SVIL: variants seen among roughly 807,000 people sequenced by gnomAD.
SVIL encodes archvillin.
A neutral mutation model predicts 240.4 loss-of-function variants in SVIL; 101 were observed. The ratio of observed to expected loss-of-function variants is 0.42; its 90% CI spans 0.36 to 0.50. The LOEUF (loss-of-function observed/expected upper bound fraction) is 0.50, where lower values mean the gene tolerates loss of function less well. SVIL is among the 20% of genes least tolerant of loss of function. SVIL has a pLI of 0.01. For missense variants in SVIL, 2,512 were observed against 2,818.7 expected (o/e 0.89, Z 2.46); for synonymous variants, 999 against 1,100.0 (o/e 0.91, Z 1.82).
In SVIL at chr10:29,474,021, A is replaced by C. The variant is rs748917867; in HGVS notation, c.5378-32T>G. On this transcript the variant is annotated intron_variant, in intron 29 of 37. Transcript: ENST00000355867. ...ACACAGAATGGCAGAGGGACAGGTC[A>C]GCAGCTGAGACACCCGAGGAGAAGC... is the stretch of plus-strand genomic sequence containing the variant. 8.1e-6 allele frequency: 13 copies of C among 1,605,650 alleles called. No individual in the cohort carries two copies. The Middle Eastern group carries it at 1.2e-3, about 144-fold the overall frequency.
intron 1 of SVIL, among the ~76,000 whole-genome samples, chr10:29,691,369 G>A (rs1212414017): frequency 2.6e-5 from 4 of 151,762 alleles, no homozygotes; most frequent in Admixed American, 6.6e-5. Flanking sequence ...CCACCACCAC[G>A]CCCGGCTAAT....
intron 23 of SVIL, chr10:29,487,664 A>G (rs2132384493): frequency 5.9e-6 from 1 of 169,220 alleles, no homozygotes. Flanking sequence ...ACCCAATTAC[A>G]TCTGTGGCCC....
At chr10:29,531,487 GC>G (rs1171198468) in intron 9 of SVIL, among the ~76,000 whole-genome samples, 199 bp from the exon 10 acceptor site, 4 of 152,216 alleles carry the variant, frequency 2.6e-5, no homozygotes, top group Non-Finnish European at 5.9e-5. Context: ...CACAATCCCA[GC>G]CAAGTACACA....
intron 1 of SVIL, among the ~76,000 whole-genome samples, chr10:29,606,832 G>A (rs757996712): frequency 1.3e-5 from 2 of 152,046 alleles, no homozygotes; most frequent in East Asian, 1.9e-4. Context: ...TCAGCTCATG[G>A]CAACCTCTGC....
chr10:29,686,365 GA>G (rs1961068786), intron 2 of SVIL, among the ~76,000 whole-genome samples: 1 of 152,144 alleles, frequency 6.6e-6, no homozygotes, highest in South Asian at 2.1e-4. Flanking sequence ...GACCTACCTG[GA>G]AAAGCTTATT....
At chr10:29,634,380 A>C (rs1212912909) in intron 1 of SVIL, 40 bp downstream of exon 1, 3 of 152,220 alleles carry the variant, frequency 2.0e-5, no homozygotes, top group Non-Finnish European at 4.4e-5. Flanking sequence ...ACAAAAAAAA[A>C]CCTACTGCAT....
At chr10:29,734,847 A>G (rs771400317) in intron 1 of SVIL, among the ~76,000 whole-genome samples, 29 of 152,168 alleles carry the variant, frequency 1.9e-4, no homozygotes, top group Non-Finnish European at 3.4e-4. Context: ...TAGGGTTTGC[A>G]CAGGCACAAG....
intron 1 of SVIL, among the ~76,000 whole-genome samples, chr10:29,597,086 C>T (rs914183318): frequency 6.6e-5 from 10 of 152,144 alleles, no homozygotes; most frequent in Non-Finnish European, 7.4e-5. Context: ...AGGGAGAGAC[C>T]GGCTCCTGAG....
intron 23 of SVIL, chr10:29,487,665 T>C (rs1186859630): frequency 1.2e-4 from 21 of 169,490 alleles, no homozygotes; most frequent in Non-Finnish European, 2.3e-4. Context: ...CCCAATTACA[T>C]CTGTGGCCCA....
At position 29,633,236 on chromosome 10, in the gene SVIL, C is replaced by CA. The variant is rs5784146; in HGVS notation, c.-201+1183dup. The stretch of plus-strand genomic sequence containing the variant: ...TGGGTGACAGCACGAGACTCCATCT[C>CA]AAAAAAAAAAAAAAAAAAAAAAGAC... On this transcript the variant is annotated intron_variant, in intron 1 of 37. Coordinates refer to ENST00000355867, the MANE Select transcript of SVIL (RefSeq NM_021738.3). 4.7e-3 allele frequency among the ~76,000 whole-genome samples: 336 copies of CA among 70,798 alleles called. 2 individuals are homozygous for CA. Among genetic ancestry groups the CA allele is most frequent in the South Asian group, 0.01 (19 of 1,860 alleles). 46.4% of individuals were successfully genotyped at this position (70,798 alleles called of 152,430 possible).
At chr10:29,517,696 A>T (rs1243451341) in intron 16 of SVIL, among the ~76,000 whole-genome samples, 1 of 152,204 alleles carries the variant, frequency 6.6e-6, no homozygotes, top group Non-Finnish European at 1.5e-5. Flanking sequence ...TAGAGGCGTG[A>T]GGTGGATTCT....
intron 34 of SVIL, among the ~76,000 whole-genome samples, chr10:29,465,207 TTTC>T (rs1944759397): frequency 1.3e-5 from 2 of 152,160 alleles, no homozygotes; most frequent in Admixed American, 6.5e-5. Context: ...TTCCCCTTTC[TTTC>T]TCTTTCTATC....
At chr10:29,581,202 T>C (rs1955932483) in intron 1 of SVIL, among the ~76,000 whole-genome samples, 1 of 152,240 alleles carries the variant, frequency 6.6e-6, no homozygotes, top group African/African-American at 2.4e-5. Context: ...TCTCATTTTC[T>C]TTGGTGGATT....
At chr10:29,692,655 A>AT (rs1313322662) in intron 1 of SVIL, among the ~76,000 whole-genome samples, 3 of 149,714 alleles carry the variant, frequency 2.0e-5, no homozygotes, top group Non-Finnish European at 4.4e-5. Flanking sequence ...ATATATATAT[A>AT]AAAATATATT....
At position 29,463,188 on chromosome 10, in the gene SVIL, G is replaced by A. The variant is rs74129286; in HGVS notation, c.6277+304C>T. On this transcript the variant is annotated intron_variant, in intron 35 of 37. Coordinates refer to ENST00000355867, the MANE Select transcript of SVIL (RefSeq NM_021738.3). ...GCATGATCAACCCCGAGTACAGCGG[G>A]GTTTTAATCTGCCTGGGGCATTCCA... is the stretch of plus-strand genomic sequence containing the variant. Among the ~76,000 whole-genome samples, 1,240 of 152,286 alleles carry A rather than the reference G, an allele frequency of 8.1e-3. 12 individuals are homozygous for A. The highest frequency in any genetic ancestry group is 0.028 in the African/African-American group (1,180 of 41,544).
intron 1 of SVIL, among the ~76,000 whole-genome samples, chr10:29,607,017 A>C (rs1253137111): frequency 6.6e-6 from 1 of 152,182 alleles, no homozygotes; most frequent in Non-Finnish European, 1.5e-5. Flanking sequence ...GACCTCCCAA[A>C]GTGCTGAAAT....
chr10:29,689,590 C>T, intron 1 of SVIL, among the ~76,000 whole-genome samples: 1 of 152,224 alleles, frequency 6.6e-6, no homozygotes, highest in Non-Finnish European at 1.5e-5. Context: ...AGCCGAGTCT[C>T]TTTTTCATAC....
Position 29,522,733 on chromosome 10 carries a change from G to T in SVIL, c.3164-98C>A. The T allele has an allele frequency of 2.2e-6, 3 of 1,363,056 alleles. No homozygotes were observed. The South Asian group carries it at 4.1e-5, about 19-fold the overall frequency. The allele number at this position is 1,363,056 out of a possible 1,614,324, so 84.4% of individuals were successfully genotyped here. On this transcript the variant is annotated intron_variant, in intron 15 of 37. Transcript: ENST00000355867. ...GTGCAGCTCTCAGGGTTCAATCCGT[G>T]GGCACACGGCGGGTGACCCAATCCA...
At chr10:29,539,287 C>T (rs1022033219) in intron 6 of SVIL, among the ~76,000 whole-genome samples, 1 of 152,216 alleles carries the variant, frequency 6.6e-6, no homozygotes, top group African/African-American at 2.4e-5. Context: ...ACAGTCAACA[C>T]AGCAATGAAA....
Sources: gnomAD v4.1 joint callset for allele counts (sites outside exome capture counted in the v4.1 genomes callset) on GRCh38, gnomAD v4.1.1 for gene constraint, MANE v1.5 for transcripts, NCBI Gene and HGNC (gene_info 2026-07-23, HGNC 2026-07-21) for gene names.